Variants in MMD2 observed in about 807,000 individuals in gnomAD.
The protein encoded by MMD2 is monocyte to macrophage differentiation factor 2.
Under a neutral mutation model 33.5 loss-of-function variants are expected in MMD2, and 30 were observed. That is an observed-to-expected ratio of 0.90 (90% CI 0.67 to 1.22). The LOEUF is 1.22. Ranked by LOEUF, MMD2 falls within the 50% of genes most tolerant of loss-of-function variation. MMD2 has a pLI of 0.00. For synonymous variants in MMD2, 129 were observed against 123.0 expected (o/e 1.05, Z -0.32); for missense variants, 364 against 325.4 (o/e 1.12, Z -0.91).
At chr7:4,920,413 G>A in intron 2 of MMD2, 82 bp from the exon 3 acceptor site, 1 of 1,423,260 alleles carries the variant, frequency 7.0e-7, no homozygotes, top group South Asian at 1.3e-5. Flanking sequence ...CGGCTGAGCT[G>A]CCCAACGTGG....
the MMD2 span, among the ~76,000 whole-genome samples, chr7:4,895,739 T>A: frequency 6.6e-6 from 1 of 152,028 alleles, no homozygotes; most frequent in East Asian, 1.9e-4. Flanking sequence ...TTTCATCATG[T>A]TGGTCAGGTT....
intron 4 of MMD2, among the ~76,000 whole-genome samples, chr7:4,912,341 G>A (rs909044965): frequency 4.6e-5 from 7 of 151,730 alleles, no homozygotes; most frequent in Admixed American, 6.6e-5. Context: ...GGCAGATCAC[G>A]AGGTCAGGAG....
intron 4 of MMD2, among the ~76,000 whole-genome samples, chr7:4,915,291 T>G (rs905259836): frequency 1.3e-5 from 2 of 151,450 alleles, no homozygotes; most frequent in East Asian, 1.9e-4. Flanking sequence ...AATTAAAAAT[T>G]TAAAAGCTAT....
intron 5 of MMD2, 35 bp from the exon 6 acceptor site, chr7:4,909,985 A>C (rs1303574302): frequency 6.2e-7 from 1 of 1,613,962 alleles, no homozygotes. Flanking sequence ...GCCTTAGGAC[A>C]TGCCTCCCCA....
chr7:4,900,042 C>T, the MMD2 span, among the ~76,000 whole-genome samples: 4 of 152,238 alleles, frequency 2.6e-5, no homozygotes, highest in South Asian at 6.2e-4. Context: ...TGGCTCATGG[C>T]TGTAATCCTC....
At chr7:4,912,130 T>G (rs1785029834) in intron 4 of MMD2, among the ~76,000 whole-genome samples, 1 of 151,280 alleles carries the variant, frequency 6.6e-6, no homozygotes, top group Non-Finnish European at 1.5e-5. Flanking sequence ...TAATAATAAT[T>G]AAAAAATAAA....
intron 3 of MMD2, among the ~76,000 whole-genome samples, chr7:4,918,873 A>G (rs1785205811): frequency 6.6e-6 from 1 of 151,966 alleles, no homozygotes; most frequent in Admixed American, 6.6e-5. Flanking sequence ...CAAGGAGGGC[A>G]GATCGCCTGA....
At chr7:4,933,316 C>T (rs1452553612) in intron 1 of MMD2, among the ~76,000 whole-genome samples, 7 of 152,246 alleles carry the variant, frequency 4.6e-5, no homozygotes, top group South Asian at 4.1e-4. Flanking sequence ...GAGCCAAGAT[C>T]GTGCCACTGC....
chr7:4,958,616 G>A (rs1456966600), intron 1 of MMD2, among the ~76,000 whole-genome samples: 6 of 152,206 alleles, frequency 3.9e-5, no homozygotes, highest in Non-Finnish European at 8.8e-5. Context: ...TAGCTGGCCT[G>A]GGCTCCAGGC....
chr7:4,919,337 A>C (rs919563264), intron 3 of MMD2, among the ~76,000 whole-genome samples: 2 of 151,832 alleles, frequency 1.3e-5, no homozygotes, highest in African/African-American at 4.8e-5. Context: ...GGGAGGCTGA[A>C]GCAGGTGGAT....
At chr7:4,902,918 T>C (rs1784813323), downstream of MMD2, among the ~76,000 whole-genome samples, 1 of 152,162 alleles carries the variant, frequency 6.6e-6, no homozygotes. Flanking sequence ...TAGAAGGAAA[T>C]GCTCTGTAGC....
In MMD2 at chr7:4,908,020, G is replaced by C. The variant is rs145310945; in HGVS notation, c.538-421C>G. On this transcript the variant is annotated intron_variant, in intron 6 of 6. Transcript: ENST00000401401. The stretch of plus-strand genomic sequence containing the variant: ...TGGGGGCATCTCACTATATTGCCCA[G>C]GCTGGTCTCAAACTCCTGGTCTCCA... Among the ~76,000 whole-genome samples the C allele has an allele frequency of 2.0e-3, 302 of 152,054 alleles. 2 individuals carry two copies. Among genetic ancestry groups the C allele is most frequent in the African/African-American group, 6.6e-3 (273 of 41,466 alleles).
intron 1 of MMD2, among the ~76,000 whole-genome samples, chr7:4,930,557 T>A (rs1348203330): frequency 1.3e-5 from 2 of 150,018 alleles, no homozygotes; most frequent in Admixed American, 6.7e-5. Context: ...GGCAGGAGAA[T>A]CGCTTGAACC....
In MMD2 at chr7:4,947,519, G is replaced by A. The variant is rs558247412; in HGVS notation, c.47+11452C>T. 1.3e-3 allele frequency among the ~76,000 whole-genome samples: 199 copies of A among 150,570 alleles called. 6 individuals are homozygous for A. Among genetic ancestry groups the A allele is most frequent in the Admixed American group, 0.012 (186 of 14,990 alleles). On this transcript the variant is annotated intron_variant, in intron 1 of 6. Transcript: ENST00000401401. ...AGCGATTCTCCTGCCTCAGCCTCCC[G>A]AGTATCTGGGATTACAGGCGCATGC...
intron 1 of MMD2, among the ~76,000 whole-genome samples, chr7:4,936,698 A>T (rs1265801934): frequency 6.6e-6 from 1 of 152,026 alleles, no homozygotes. Context: ...CAGCCTAAAA[A>T]ATGCTAAAAT....
At chr7:4,910,146 G>A in intron 5 of MMD2, 196 bp from the exon 6 acceptor site, 2 of 1,254,010 alleles carry the variant, frequency 1.6e-6, no homozygotes, top group African/African-American at 3.0e-5. Context: ...ATGTGACCCT[G>A]GGCACTTTCC....
chr7:4,920,540 C>T (rs894065410), intron 2 of MMD2, among the ~76,000 whole-genome samples: 8 of 151,354 alleles, frequency 5.3e-5, no homozygotes, highest in Admixed American at 1.3e-4. Flanking sequence ...CTCCCTCTCT[C>T]CTTTCCCTTT....
intron 3 of MMD2, among the ~76,000 whole-genome samples, chr7:4,916,977 C>T (rs1345912477): frequency 6.6e-6 from 1 of 152,052 alleles, no homozygotes; most frequent in Non-Finnish European, 1.5e-5. Flanking sequence ...GAGGCTGAGG[C>T]AGGAGGATCT....
Position 4,946,114 on chromosome 7 carries a change from C to T in MMD2, c.47+12857G>A, listed in dbSNP as rs1165606198. ...GCACACACACGCATGCACACGCGCA[C>T]ACGCACGCACACACCTGCACACGCA... is the stretch of plus-strand genomic sequence containing the variant. On this transcript the variant is annotated intron_variant, in intron 1 of 6. Transcript: ENST00000401401. This position sits in a 1 kb window ranked among gnomAD's most constrained non-coding sequence, Gnocchi z 5.0. Among the ~76,000 whole-genome samples the T allele has an allele frequency of 2.0e-5, 3 of 151,580 alleles. No individual in the cohort carries two copies. Among genetic ancestry groups the T allele is most frequent in the Non-Finnish European group, 4.4e-5 (3 of 67,808 alleles).
Sources: allele counts gnomAD v4.1 joint callset (sites outside exome capture counted in the v4.1 genomes callset), GRCh38; gene constraint gnomAD v4.1.1; non-coding constraint Gnocchi (gnomAD v3.1); transcripts MANE v1.5; gene names NCBI Gene and HGNC (gene_info 2026-07-23, HGNC 2026-07-21).